The following LARP1 variants were observed in gnomAD, a reference collection of about 807,000 sequenced individuals.
LARP1 encodes the protein La ribonucleoprotein 1, translational regulator.
A neutral mutation model predicts 122.7 loss-of-function variants in LARP1; 36 were observed. That is an observed-to-expected ratio of 0.29 (90% CI 0.22 to 0.39). The LOEUF (loss-of-function observed/expected upper bound fraction) is 0.39. Ranked by LOEUF, LARP1 falls within the 10% of genes least tolerant of loss-of-function variation. The pLI is 1.00. For missense variants in LARP1, 1,040 were observed against 1,403.6 expected (o/e 0.74, Z 4.14); for synonymous variants, 539 against 528.7 (o/e 1.02, Z -0.27).
intron 1 of LARP1, among the ~76,000 whole-genome samples, chr5:154,690,712 G>C (rs1754155109): frequency 6.6e-6 from 1 of 152,192 alleles, no homozygotes; most frequent in African/African-American, 2.4e-5. Context: ...GATGGGCCCC[G>C]CCCGCACTGG....
intron 1 of LARP1, among the ~76,000 whole-genome samples, chr5:154,697,635 T>A (rs1244181025): frequency 6.6e-6 from 1 of 152,178 alleles, no homozygotes; most frequent in East Asian, 1.9e-4. Flanking sequence ...TTGAAAACAT[T>A]ATGCTATGTG....
chr5:154,784,389 G>A (rs905592562), intron 1 of LARP1, among the ~76,000 whole-genome samples: 3 of 152,346 alleles, frequency 2.0e-5, no homozygotes, highest in Middle Eastern at 3.4e-3. Flanking sequence ...TAACGGCCAA[G>A]TGTATGGTAG....
intron 1 of LARP1, chr5:154,705,745 A>C (rs1412706144): frequency 3.3e-5 from 5 of 152,208 alleles, no homozygotes; most frequent in Non-Finnish European, 7.3e-5. Context: ...AGGCAAAAAA[A>C]TAACAGATGC....
intron 1 of LARP1, among the ~76,000 whole-genome samples, chr5:154,703,316 A>G (rs1754808573): frequency 6.6e-6 from 1 of 152,182 alleles, no homozygotes; most frequent in Non-Finnish European, 1.5e-5. Flanking sequence ...ACCTTATGCC[A>G]GTTGCCTTTG....
chr5:154,786,373 T>C, intron 1 of LARP1: 3 of 436,136 alleles, frequency 6.9e-6, no homozygotes, highest in Non-Finnish European at 1.4e-5. Flanking sequence ...GGCTTGTGTG[T>C]ATTTAAGAAG....
chr5:154,751,734 C>T (rs1270641992), upstream of LARP1, among the ~76,000 whole-genome samples: 2 of 152,012 alleles, frequency 1.3e-5, no homozygotes, highest in Non-Finnish European at 2.9e-5. Context: ...TATAATTGTT[C>T]TATTTTATTA....
At chr5:154,722,099 C>T (rs958296308) in intron 1 of LARP1, among the ~76,000 whole-genome samples, 2 of 152,312 alleles carry the variant, frequency 1.3e-5, no homozygotes, top group African/African-American at 2.4e-5. Context: ...AGCCAAAACA[C>T]GTTCTGACCA....
intron 1 of LARP1, chr5:154,757,073 T>C (rs1166149693): frequency 6.8e-6 from 1 of 146,540 alleles, no homozygotes; most frequent in African/African-American, 2.5e-5. Context: ...GCGCTGGGGG[T>C]GGCAGGAGGG....
At chr5:154,718,580 A>G (rs535628421) in intron 1 of LARP1, 1 of 152,260 alleles carries the variant, frequency 6.6e-6, no homozygotes, top group East Asian at 1.9e-4. Flanking sequence ...CTTAATACAG[A>G]CACCTGATTA....
chr5:154,697,044 G>A (rs1754499510), intron 1 of LARP1, among the ~76,000 whole-genome samples: 1 of 152,138 alleles, frequency 6.6e-6, no homozygotes. Context: ...GCAGAGAGTT[G>A]ACTTTGAGTT....
At chr5:154,723,190 A>G (rs1755991067) in intron 1 of LARP1, among the ~76,000 whole-genome samples, 1 of 152,158 alleles carries the variant, frequency 6.6e-6, no homozygotes, top group Non-Finnish European at 1.5e-5. Flanking sequence ...ATTTACCAAC[A>G]ATGGGTTAAT....
At position 154,774,367 on chromosome 5, in the gene LARP1, C is replaced by G. The variant is rs564084514; in HGVS notation, c.437-15958C>G. Among the ~76,000 whole-genome samples, 7 of 152,230 alleles carry G rather than the reference C, an allele frequency of 4.6e-5. No homozygotes were observed. The South Asian group carries it at 8.3e-4, about 18-fold the overall frequency. ...AGTAGCAGCTATGGCACCCAGCAGC[C>G]CTGTGCCAAGTCTCCAGGCTGGGGA... is the stretch of plus-strand genomic sequence containing the variant. On this transcript the variant is annotated intron_variant, in intron 1 of 18. Transcript: ENST00000518297.
At chr5:154,732,997 TAGTA>T (rs1246316692) in intron 1 of LARP1, among the ~76,000 whole-genome samples, 1 of 152,046 alleles carries the variant, frequency 6.6e-6, no homozygotes, top group Non-Finnish European at 1.5e-5. Flanking sequence ...GTGGTGGAGT[TAGTA>T]AGTAAGGCGA....
chr5:154,690,227 T>C (rs1326563613), intron 1 of LARP1, among the ~76,000 whole-genome samples: 1 of 152,036 alleles, frequency 6.6e-6, no homozygotes, highest in Non-Finnish European at 1.5e-5. Flanking sequence ...CAGCTGTGGT[T>C]TAAGTTCTGA....
intron 1 of LARP1, among the ~76,000 whole-genome samples, chr5:154,778,783 T>A (rs2113706078): frequency 6.6e-6 from 1 of 152,306 alleles, no homozygotes; most frequent in Admixed American, 6.5e-5. Context: ...ACTCTTCCAC[T>A]TTCAGTTTGG....
intron 1 of LARP1, among the ~76,000 whole-genome samples, chr5:154,784,937 C>G (rs1297105029): frequency 6.6e-6 from 1 of 152,196 alleles, no homozygotes; most frequent in Non-Finnish European, 1.5e-5. Flanking sequence ...CTGAGAGAGA[C>G]TCCTTGAGCC....
intron 1 of LARP1, among the ~76,000 whole-genome samples, chr5:154,733,055 G>A (rs1436680045): frequency 3.1e-4 from 47 of 152,226 alleles, no homozygotes; most frequent in Admixed American, 3.0e-3. Flanking sequence ...GGGTCCCCAG[G>A]ATTGTCTCAT....
At chr5:154,743,315 TA>T (rs200302357) in intron 1 of LARP1, among the ~76,000 whole-genome samples, 93 of 150,302 alleles carry the variant, frequency 6.2e-4, no homozygotes, top group Admixed American at 7.3e-4. Flanking sequence ...CTTATTTATT[TA>T]TTTTTTTTTG....
At chr5:154,683,171 G>A (rs1157717628) in intron 1 of LARP1, among the ~76,000 whole-genome samples, 1 of 152,228 alleles carries the variant, frequency 6.6e-6, no homozygotes, top group Non-Finnish European at 1.5e-5. Flanking sequence ...GCCCCGGAAA[G>A]GCACAGATCT....
Sources: gnomAD v4.1 joint callset for allele counts (sites outside exome capture counted in the v4.1 genomes callset) on GRCh38, gnomAD v4.1.1 for gene constraint, MANE v1.5 for transcripts, NCBI Gene and HGNC (gene_info 2026-07-23, HGNC 2026-07-21) for gene names.